Variants in SGCZ observed in about 807,000 individuals in gnomAD.
The protein encoded by SGCZ is zeta-sarcoglycan.
A neutral mutation model predicts 41.3 loss-of-function variants in SGCZ; 40 were observed. The ratio of observed to expected loss-of-function variants is 0.97; its 90% confidence interval spans 0.75 to 1.26. SGCZ has a LOEUF of 1.26. SGCZ is among the 50% of genes most tolerant of loss of function. SGCZ has a pLI of 0.00. For synonymous variants in SGCZ, 206 were observed against 137.5 expected, an observed-to-expected ratio of 1.50 and a Z score of -3.49; for missense variants, 552 against 369.8, an observed-to-expected ratio of 1.49 and a Z score of -4.04.
At chr8:14,507,233 A>AC (rs1218992125) in intron 2 of SGCZ, among the ~76,000 whole-genome samples, 1 of 152,172 alleles carries the variant, frequency 6.6e-6, no homozygotes, top group African/African-American at 2.4e-5. Context: ...AGCCATTCGC[A>AC]CCAGCACTGC....
At chr8:14,359,492 T>G (rs1803426629) in intron 2 of SGCZ, among the ~76,000 whole-genome samples, 1 of 151,740 alleles carries the variant, frequency 6.6e-6, no homozygotes. Flanking sequence ...AAAACAAATC[T>G]TAAAACATTC....
intron 2 of SGCZ, among the ~76,000 whole-genome samples, chr8:14,540,142 G>T (rs1224795545): frequency 6.6e-6 from 1 of 150,748 alleles, no homozygotes; most frequent in East Asian, 2.0e-4. Flanking sequence ...CTATGACTCT[G>T]CAGTGCACAA....
chr8:14,304,710 C>T (rs1801296710), intron 3 of SGCZ, among the ~76,000 whole-genome samples: 1 of 152,070 alleles, frequency 6.6e-6, no homozygotes. Flanking sequence ...TATTTCACTT[C>T]CTGAAAAAGG....
chr8:14,833,788 GA>G (rs1296735888), intron 1 of SGCZ, among the ~76,000 whole-genome samples: 4 of 150,446 alleles, frequency 2.7e-5, no homozygotes, highest in Admixed American at 6.7e-5. Flanking sequence ...AATCTTGGAA[GA>G]AAGAAGAAAT....
At chr8:14,843,924 T>C (rs1350893239) in intron 1 of SGCZ, among the ~76,000 whole-genome samples, 3 of 151,782 alleles carry the variant, frequency 2.0e-5, no homozygotes, top group Non-Finnish European at 4.4e-5. Flanking sequence ...GTACTATGCC[T>C]GAAATAAGAA....
chr8:14,772,234 T>TA (rs546765641), intron 1 of SGCZ, among the ~76,000 whole-genome samples: 18 of 152,288 alleles, frequency 1.2e-4, no homozygotes, highest in South Asian at 4.1e-4. Context: ...TTGAGATGTA[T>TA]AATGAGATGT....
intron 2 of SGCZ, among the ~76,000 whole-genome samples, chr8:14,521,087 C>G (rs894603317): frequency 2.6e-5 from 4 of 152,190 alleles, no homozygotes; most frequent in Non-Finnish European, 5.9e-5. Flanking sequence ...ATTGTAACAT[C>G]TTGTAAATCT....
At chr8:15,236,063 T>C in intron 1 of SGCZ, among the ~76,000 whole-genome samples, 1 of 152,188 alleles carries the variant, frequency 6.6e-6, no homozygotes, top group Admixed American at 6.5e-5. Context: ...ACACAGAAAC[T>C]TGTTGGCCAA....
chr8:14,775,533 T>A (rs1008430704), intron 1 of SGCZ, among the ~76,000 whole-genome samples: 1 of 151,552 alleles, frequency 6.6e-6, no homozygotes, highest in African/African-American at 2.4e-5. Flanking sequence ...TGAGGAAAGG[T>A]ATACAAAATA....
At chr8:14,208,456 A>G (rs1191154332) in intron 4 of SGCZ, among the ~76,000 whole-genome samples, 2 of 152,196 alleles carry the variant, frequency 1.3e-5, no homozygotes, top group South Asian at 2.1e-4. Context: ...GGAACCAAAA[A>G]GGAAAAAAGA....
intron 2 of SGCZ, among the ~76,000 whole-genome samples, chr8:14,438,483 T>A (rs1036459639): frequency 3.9e-5 from 6 of 152,004 alleles, no homozygotes; most frequent in African/African-American, 1.4e-4. Flanking sequence ...AAGAGTTCAA[T>A]AACTGTGGCT....
chr8:15,088,845 C>T (rs1266956191), intron 1 of SGCZ, among the ~76,000 whole-genome samples: 1 of 152,138 alleles, frequency 6.6e-6, no homozygotes, highest in African/African-American at 2.4e-5. Context: ...ATGGCCTTTG[C>T]ACCACAATTG....
At chr8:14,258,008 G>T (rs933553722) in intron 3 of SGCZ, among the ~76,000 whole-genome samples, 1 of 152,112 alleles carries the variant, frequency 6.6e-6, no homozygotes, top group Non-Finnish European at 1.5e-5. Context: ...GGGGGAATTT[G>T]GTAGTTTGTT....
chr8:14,090,458 G>A lies in SGCZ; in HGVS notation c.924C>T (p.Ile308=). ...VGSTCQSSSN[I]CLWS ...ATCAGTCACTTCAGCTCCACAGGCA[G>A]ATGTTGCTACTGGACTGACAAGTGG... The change falls in exon 8 of 8, where the codon ATC becomes ATT. Residue 308 remains isoleucine, a synonymous_variant. Coordinates refer to ENST00000382080, the MANE Select transcript of SGCZ (RefSeq NM_139167.4). 6.2e-7 allele frequency: 1 copy of A among 1,612,372 alleles called. No individual in the cohort carries two copies. Among genetic ancestry groups the A allele is most frequent in the Non-Finnish European group, 8.5e-7 (1 of 1,179,074 alleles).
chr8:14,505,369 T>G (rs1802276149), intron 2 of SGCZ, among the ~76,000 whole-genome samples: 1 of 152,024 alleles, frequency 6.6e-6, no homozygotes, highest in South Asian at 2.1e-4. Context: ...GCAGAGTGCT[T>G]CCCATTTTAT....
intron 1 of SGCZ, among the ~76,000 whole-genome samples, chr8:14,871,281 T>G (rs1804140498): frequency 6.6e-6 from 1 of 152,006 alleles, no homozygotes; most frequent in Admixed American, 6.6e-5. Flanking sequence ...TTTTACACTG[T>G]TGGTGGGAGT....
chr8:15,084,161 C>T (rs1585546418), intron 1 of SGCZ, among the ~76,000 whole-genome samples: 2 of 152,304 alleles, frequency 1.3e-5, no homozygotes, highest in South Asian at 2.1e-4. Context: ...GGAATTCTGA[C>T]TGGCATATGT....
chr8:14,109,817 C>T (rs1215517174), intron 5 of SGCZ, among the ~76,000 whole-genome samples: 3 of 151,900 alleles, frequency 2.0e-5, no homozygotes, highest in Non-Finnish European at 4.4e-5. Context: ...ATGATTTCAT[C>T]TATATTATGC....
chr8:14,924,898 C>G (rs1390653080), intron 1 of SGCZ, among the ~76,000 whole-genome samples: 1 of 149,232 alleles, frequency 6.7e-6, no homozygotes, highest in Non-Finnish European at 1.5e-5. Flanking sequence ...CACTGTGTCA[C>G]CCAGGCTGGA....
Sources: allele counts gnomAD v4.1 joint callset (sites outside exome capture counted in the v4.1 genomes callset), GRCh38; gene constraint gnomAD v4.1.1; transcripts MANE v1.5; gene names NCBI Gene and HGNC (gene_info 2026-07-23, HGNC 2026-07-21).